The following GABRG3 variants were observed in gnomAD, a reference collection of about 807,000 sequenced individuals.
The protein encoded by GABRG3 is gamma-aminobutyric acid receptor subunit gamma-3.
GABRG3 carries 25 observed loss-of-function variants against 48.8 expected under a neutral mutation model. The ratio of observed to expected loss-of-function variants is 0.51; its 90% confidence interval spans 0.37 to 0.72. The LOEUF is 0.72. GABRG3 is among the 30% of genes least tolerant of loss of function. The pLI is 0.00. For missense variants in GABRG3, 394 were observed against 577.9 expected, an observed-to-expected ratio of 0.68 and a Z score of 3.26; for synonymous variants, 227 against 217.6, an observed-to-expected ratio of 1.04 and a Z score of -0.38.
At chr15:27,442,571 C>G (rs1176723264) in intron 5 of GABRG3, among the ~76,000 whole-genome samples, 1 of 152,206 alleles carries the variant, frequency 6.6e-6, no homozygotes, top group Non-Finnish European at 1.5e-5. Flanking sequence ...GCCACCTGAA[C>G]AAAACCAGGC....
At chr15:27,371,559 G>A (rs1428381567) in intron 5 of GABRG3, among the ~76,000 whole-genome samples, 2 of 152,134 alleles carry the variant, frequency 1.3e-5, no homozygotes, top group Admixed American at 6.6e-5. Context: ...CACAATACAA[G>A]GGCACCATTT....
At chr15:27,233,756 C>A (rs929084950) in intron 3 of GABRG3, among the ~76,000 whole-genome samples, 1 of 152,102 alleles carries the variant, frequency 6.6e-6, no homozygotes, top group African/African-American at 2.4e-5. Context: ...ACAAAAGATA[C>A]CAGACGCCTG....
chr15:27,529,452 C>G (rs1000717002), intron 9 of GABRG3, among the ~76,000 whole-genome samples: 1 of 152,012 alleles, frequency 6.6e-6, no homozygotes, highest in African/African-American at 2.4e-5. Flanking sequence ...GTTTCAAGCC[C>G]CCCCATAAGC....
intron 5 of GABRG3, among the ~76,000 whole-genome samples, chr15:27,423,265 A>T (rs1391157896): frequency 1.4e-5 from 2 of 142,056 alleles, no homozygotes; most frequent in Admixed American, 6.9e-5. Context: ...AAAAAAAAAA[A>T]CCTCTAGAGA....
chr15:26,992,830 A>G (rs1164915985), intron 2 of GABRG3, among the ~76,000 whole-genome samples: 1 of 152,128 alleles, frequency 6.6e-6, no homozygotes, highest in Non-Finnish European at 1.5e-5. Context: ...CAGTAAAGAC[A>G]TCAGTTCCCA....
intron 5 of GABRG3, among the ~76,000 whole-genome samples, chr15:27,347,905 G>A (rs999116565): frequency 3.3e-5 from 5 of 152,058 alleles, no homozygotes; most frequent in African/African-American, 1.2e-4. Context: ...GTTTCCCTGT[G>A]GTTGCAGTTG....
intron 3 of GABRG3, among the ~76,000 whole-genome samples, chr15:27,057,531 C>T (rs1243503319): frequency 2.0e-5 from 3 of 152,166 alleles, no homozygotes; most frequent in African/African-American, 7.2e-5. Context: ...GTGCCTTATA[C>T]ATCTACGGGG....
At chr15:27,303,993 G>A (rs1050231654) in intron 3 of GABRG3, among the ~76,000 whole-genome samples, 3 of 151,610 alleles carry the variant, frequency 2.0e-5, no homozygotes, top group Non-Finnish European at 4.4e-5. Context: ...AAAGCTGCGC[G>A]GTCATAGAAA....
chr15:27,254,722 T>C (rs1424640242), intron 3 of GABRG3, among the ~76,000 whole-genome samples: 2 of 152,104 alleles, frequency 1.3e-5, no homozygotes, highest in African/African-American at 4.8e-5. Flanking sequence ...TTCCTTCTTC[T>C]AAAATAATCA....
intron 3 of GABRG3, among the ~76,000 whole-genome samples, chr15:27,307,760 T>TA (rs201026239): frequency 0.063 from 7,949 of 127,154 alleles, 999 homozygotes; most frequent in African/African-American, 0.23. Context: ...TATAAACATA[T>TA]AAAATAAACA....
intron 7 of GABRG3, among the ~76,000 whole-genome samples, chr15:27,525,543 G>A (rs78638145): frequency 0.013 from 2,017 of 152,168 alleles, 61 homozygotes; most frequent in African/African-American, 0.046. Context: ...GTGGAAGTGG[G>A]GAGGATAAAG....
chr15:27,055,296 G>C (rs951824711), intron 3 of GABRG3, among the ~76,000 whole-genome samples: 3 of 152,084 alleles, frequency 2.0e-5, no homozygotes, highest in African/African-American at 7.2e-5. Flanking sequence ...AGACCAATCA[G>C]TACAAAAAAA....
intron 3 of GABRG3, among the ~76,000 whole-genome samples, chr15:27,120,352 A>C (rs1283973625): frequency 1.3e-5 from 2 of 152,092 alleles, no homozygotes; most frequent in East Asian, 1.9e-4. Context: ...TCACACATCT[A>C]GGTGCTTCAA....
intron 5 of GABRG3, among the ~76,000 whole-genome samples, chr15:27,464,280 A>C (rs559233329): frequency 5.3e-4 from 81 of 152,238 alleles, no homozygotes; most frequent in Middle Eastern, 3.4e-3. Context: ...CCTTCCTCCC[A>C]GTCCCAGGCA....
At chr15:27,170,548 A>G (rs1435400859) in intron 3 of GABRG3, among the ~76,000 whole-genome samples, 1 of 152,218 alleles carries the variant, frequency 6.6e-6, no homozygotes, top group African/African-American at 2.4e-5. Flanking sequence ...AGACAGAACA[A>G]AAACAGATGG....
At chr15:27,486,361 G>C (rs1890219715) in intron 6 of GABRG3, among the ~76,000 whole-genome samples, 1 of 152,134 alleles carries the variant, frequency 6.6e-6, no homozygotes, top group African/African-American at 2.4e-5. Context: ...CTCTCGCATG[G>C]CTATGGCAAA....
intron 3 of GABRG3, among the ~76,000 whole-genome samples, chr15:27,075,875 C>T (rs1434996965): frequency 6.6e-6 from 1 of 152,120 alleles, no homozygotes; most frequent in Non-Finnish European, 1.5e-5. Flanking sequence ...GTGTAAAGGT[C>T]CTGATTTAAG....
At chr15:27,017,701 G>A (rs968921196) in intron 2 of GABRG3, among the ~76,000 whole-genome samples, 5 of 152,176 alleles carry the variant, frequency 3.3e-5, no homozygotes, top group Non-Finnish European at 5.9e-5. Flanking sequence ...ATTTTCCTAC[G>A]GGGACTTCTG....
At chr15:27,148,090 A>T (rs902183838) in intron 3 of GABRG3, among the ~76,000 whole-genome samples, 1 of 151,968 alleles carries the variant, frequency 6.6e-6, no homozygotes, top group African/African-American at 2.4e-5. Context: ...GAAAAAGAGT[A>T]GACGCACATT....
Sources: allele counts gnomAD v4.1 joint callset (sites outside exome capture counted in the v4.1 genomes callset), GRCh38; gene constraint gnomAD v4.1.1; transcripts MANE v1.5; gene names NCBI Gene and HGNC (gene_info 2026-07-23, HGNC 2026-07-21).